LRRC49: variants seen among roughly 807,000 people sequenced by gnomAD.
The protein encoded by LRRC49 is leucine-rich repeat-containing protein 49.
Under a neutral mutation model 83.3 loss-of-function variants are expected in LRRC49, and 50 were observed. The ratio of observed to expected loss-of-function variants is 0.60; its 90% CI spans 0.48 to 0.76. LRRC49 has a LOEUF of 0.76. LRRC49 is among the 30% of genes least tolerant of loss of function. The pLI is 0.00. For missense variants in LRRC49, 704 were observed against 809.1 expected, an observed-to-expected ratio of 0.87 and a Z score of 1.58; for synonymous variants, 286 against 283.3, an observed-to-expected ratio of 1.01 and a Z score of -0.10.
chr15:70,892,831 T>C lies in LRRC49; in HGVS notation c.-64T>C, dbSNP rs2033640808. The stretch of plus-strand genomic sequence containing the variant: ...GGAGATGACCTCTTTCGGGTCTCTT[T>C]GAATCTCCGCTGTAGCGTCACCTGG... On this transcript the variant is annotated 5_prime_UTR_variant, in exon 1 of 16. Coordinates refer to ENST00000260382, the MANE Select transcript of LRRC49 (RefSeq NM_017691.5). The C allele has an allele frequency of 6.2e-7, 1 of 1,614,056 alleles. No individual in the cohort carries two copies. Among genetic ancestry groups the C allele is most frequent in the African/African-American group, 1.3e-5 (1 of 74,934 alleles).
intron 1 of LRRC49, 92 bp downstream of exon 1, chr15:70,893,034 C>A: frequency 1.4e-6 from 2 of 1,397,414 alleles, no homozygotes; most frequent in Non-Finnish European, 2.0e-6. Context: ...TTATTAGGAC[C>A]GGCACCGCTG....
intron 11 of LRRC49, among the ~76,000 whole-genome samples, chr15:70,990,515 C>G (rs1481407312): frequency 6.6e-6 from 1 of 152,130 alleles, no homozygotes; most frequent in Non-Finnish European, 1.5e-5. Flanking sequence ...GGGAGTGACC[C>G]AATTTTCCAG....
At chr15:71,019,675 G>A (rs140414770) in intron 14 of LRRC49, among the ~76,000 whole-genome samples, 1 of 152,284 alleles carries the variant, frequency 6.6e-6, no homozygotes, top group Non-Finnish European at 1.5e-5. Context: ...GCCTTGATAT[G>A]AGCAGAAAAG....
chr15:70,885,971 T>C (rs2141087667), intron 2 of LRRC49, among the ~76,000 whole-genome samples: 1 of 152,270 alleles, frequency 6.6e-6, no homozygotes, highest in African/African-American at 2.4e-5. Context: ...TAAGTCCATA[T>C]ATTGCATTTT....
chr15:70,966,462 A>G (rs1398032688), intron 9 of LRRC49, among the ~76,000 whole-genome samples: 1 of 152,150 alleles, frequency 6.6e-6, no homozygotes, highest in African/African-American at 2.4e-5. Context: ...TAATAAAAAT[A>G]AATACCTTGC....
intron 7 of LRRC49, among the ~76,000 whole-genome samples, chr15:70,928,862 G>A (rs974910189): frequency 2.0e-5 from 3 of 152,080 alleles, no homozygotes; most frequent in Non-Finnish European, 4.4e-5. Flanking sequence ...CCCGTGCCTG[G>A]CACATATCTT....
At chr15:71,048,780 T>A in intron 15 of LRRC49, 1 of 456,024 alleles carries the variant, frequency 2.2e-6, no homozygotes, top group Non-Finnish European at 4.4e-6. Context: ...TTTTTCATTT[T>A]CACACTGCCA....
At chr15:70,865,667 G>A (rs1369843048) in intron 1 of LRRC49, among the ~76,000 whole-genome samples, 1 of 152,084 alleles carries the variant, frequency 6.6e-6, no homozygotes, top group Non-Finnish European at 1.5e-5. Context: ...AAAGAATTTA[G>A]GCTTTTGAAA....
Position 71,012,883 on chromosome 15 carries a change from A to G in LRRC49, c.1673A>G (p.Tyr558Cys). ...GTAGCATCTTCTGAGTTACCCCAGT[A>G]TCGTCTGATTTCCATTCTGGGTGAT... ...AHVASSELPQ[Y>C]RLISILGDAR... The change falls in exon 14 of 16, where the codon TAT becomes TGT. Residue 558 changes from tyrosine to cysteine, a missense_variant. By Grantham distance (194) the Tyr-to-Cys change is radical. Coordinates refer to ENST00000260382, the MANE Select transcript of LRRC49 (RefSeq NM_017691.5). 2 of 1,612,752 alleles carry G rather than the reference A, an allele frequency of 1.2e-6. No individual in the cohort carries two copies. The highest frequency in any genetic ancestry group is 1.7e-6 in the Non-Finnish European group (2 of 1,179,200).
Position 70,984,257 on chromosome 15 carries a change from G to T in LRRC49, c.1169G>T (p.Gly390Val). The change falls in exon 11 of 16, where the codon GGG (glycine) becomes GTG (valine). Residue 390 changes from glycine (G) to valine (V), a missense_variant and splice_region_variant. Coordinates refer to ENST00000260382, the MANE Select transcript of LRRC49 (RefSeq NM_017691.5). ...CTCTCTGCATTCCCAGAGGAAACAG[G>T]GTATGCAATGGTATTTTTTCAAGAT... ...STLSAFPEET[G>V]PLDSGLNNAL... 1 of 1,590,336 alleles carries T rather than the reference G, an allele frequency of 6.3e-7. No homozygotes were observed. Among genetic ancestry groups the T allele is most frequent in the Non-Finnish European group, 8.6e-7 (1 of 1,169,288 alleles).
intron 6 of LRRC49, among the ~76,000 whole-genome samples, chr15:70,915,893 A>T (rs1371505043): frequency 6.6e-6 from 1 of 152,158 alleles, no homozygotes; most frequent in East Asian, 1.9e-4. Flanking sequence ...CTTTTCTGGA[A>T]ACTGGATGGA....
intron 11 of LRRC49, among the ~76,000 whole-genome samples, chr15:70,988,524 G>A (rs1279901507): frequency 3.3e-5 from 5 of 152,112 alleles, no homozygotes; most frequent in East Asian, 1.9e-4. Context: ...TTGAGCCTAT[G>A]TGTGTCTCTG....
chr15:70,949,344 TC>T (rs1250391906), intron 8 of LRRC49, among the ~76,000 whole-genome samples: 2 of 152,246 alleles, frequency 1.3e-5, no homozygotes, highest in African/African-American at 4.8e-5. Flanking sequence ...TCTAGTGATA[TC>T]ATAGCCATTA....
intron 9 of LRRC49, among the ~76,000 whole-genome samples, chr15:70,971,384 C>T (rs951490712): frequency 2.0e-5 from 3 of 151,806 alleles, no homozygotes; most frequent in Non-Finnish European, 4.4e-5. Flanking sequence ...TGTTTTACTT[C>T]CAATTATGCG....
chr15:70,936,574 G>T (rs1272380081), intron 7 of LRRC49, 187 bp from the exon 8 acceptor site: 2 of 544,790 alleles, frequency 3.7e-6, no homozygotes, highest in Admixed American at 6.1e-5. Flanking sequence ...TTGTTCTGCG[G>T]ATGTACTGAA....
chr15:70,864,731 A>G (rs569938479), intron 1 of LRRC49, among the ~76,000 whole-genome samples: 3 of 152,176 alleles, frequency 2.0e-5, no homozygotes, highest in Admixed American at 6.5e-5. Flanking sequence ...GGGACATTCA[A>G]TGCTGTCCAT....
intron 15 of LRRC49, among the ~76,000 whole-genome samples, chr15:71,047,833 G>A (rs1222524360): frequency 2.0e-5 from 3 of 151,934 alleles, no homozygotes; most frequent in Admixed American, 2.0e-4. Flanking sequence ...CTGGAGTGCA[G>A]TGGCACGACC....
chr15:70,963,647 A>G (rs117123512), intron 8 of LRRC49, 138 bp from the exon 9 acceptor site: 7 of 791,124 alleles, frequency 8.8e-6, no homozygotes, highest in Non-Finnish European at 1.4e-5. Context: ...GAAACTGGGT[A>G]TGGGGTATAG....
chr15:71,008,522 C>G lies in LRRC49; in HGVS notation c.1313C>G (p.Ala438Gly), dbSNP rs2038539869. Residue 438 changes from alanine to glycine, a missense_variant, in exon 12 of 16, where the codon GCA becomes GGA. Ala to Gly is a moderately conservative substitution (Grantham distance 60). Around this residue, in one of 3 missense-constraint regions of LRRC49, gnomAD observed 275 missense variants for 338.0 expected, o/e 0.81. Coordinates refer to ENST00000260382, the MANE Select transcript of LRRC49 (RefSeq NM_017691.5). ...GATAGGAATTGGAGTGTTCAAACAG[C>G]AGGAATGATCACAACAGTCTCCTTC... is the stretch of plus-strand genomic sequence containing the variant. ...SLDRNWSVQTAGMITTVSFTF... is the reference protein window; with the variant it reads ...SLDRNWSVQTGGMITTVSFTF... The G allele has an allele frequency of 6.2e-7, 1 of 1,612,526 alleles. No individual in the cohort carries two copies. The highest frequency in any genetic ancestry group is 1.7e-5 in the Admixed American group (1 of 59,808).
Sources: allele counts gnomAD v4.1 joint callset (sites outside exome capture counted in the v4.1 genomes callset), GRCh38; gene constraint gnomAD v4.1.1; regional missense constraint gnomAD v4.1.1; transcripts MANE v1.5; gene names NCBI Gene and HGNC (gene_info 2026-07-23, HGNC 2026-07-21).